The following F13A1 variants were observed in gnomAD, a reference collection of about 807,000 sequenced individuals.
The protein encoded by F13A1 is coagulation factor XIII A chain.
F13A1 carries 47 observed loss-of-function variants against 80.1 expected under a neutral mutation model. The observed-to-expected ratio is 0.59, with a 90% CI of 0.46 to 0.75. The LOEUF (loss-of-function observed/expected upper bound fraction) is 0.75. Among genes scored for constraint, F13A1 ranks in the 30% least tolerant of loss-of-function variants. The pLI is 0.00. For synonymous variants in F13A1, 349 were observed against 344.9 expected (o/e 1.01, Z -0.13); for missense variants, 817 against 930.4 (o/e 0.88, Z 1.59).
intron 3 of F13A1, among the ~76,000 whole-genome samples, chr6:6,278,484 T>A (rs1758018572): frequency 6.6e-6 from 1 of 152,080 alleles, no homozygotes; most frequent in Non-Finnish European, 1.5e-5. Flanking sequence ...AGGAGGCCAA[T>A]GTGCCTGAAG....
chr6:6,309,440 G>C lies in F13A1; in HGVS notation c.131-3901C>G, dbSNP rs115818989. ...AGGAGTCAGTTGTCCATGTGGAAAG[G>C]GGGGTGGAGAGGAATGCTTCAGGCG... On this transcript the variant is annotated intron_variant, in intron 2 of 14. Coordinates refer to ENST00000264870, the MANE Select transcript of F13A1 (RefSeq NM_000129.4). Among the ~76,000 whole-genome samples the C allele has an allele frequency of 3.0e-3, 450 of 152,272 alleles. 3 individuals carry two copies. Among genetic ancestry groups the C allele is most frequent in the Middle Eastern group, 0.01 (3 of 294 alleles).
chr6:6,150,531 G>A (rs919596636), intron 14 of F13A1, among the ~76,000 whole-genome samples: 6 of 152,180 alleles, frequency 3.9e-5, no homozygotes, highest in African/African-American at 7.2e-5. Flanking sequence ...AAAGAAATGC[G>A]GAGAGCCCTT....
At chr6:6,209,093 TAGAG>T (rs1733296316) in intron 8 of F13A1, among the ~76,000 whole-genome samples, 3 of 152,014 alleles carry the variant, frequency 2.0e-5, no homozygotes, top group Admixed American at 1.3e-4. Context: ...ACATATATGA[TAGAG>T]AGCTTATATG....
intron 3 of F13A1, chr6:6,304,973 T>C (rs1455073291): frequency 1.2e-5 from 4 of 346,770 alleles, no homozygotes; most frequent in Non-Finnish European, 2.2e-5. Context: ...GAATCAACTT[T>C]CGGAATGCAT....
At chr6:6,245,013 G>A (rs1757535662) in intron 6 of F13A1, among the ~76,000 whole-genome samples, 1 of 152,134 alleles carries the variant, frequency 6.6e-6, no homozygotes, top group Non-Finnish European at 1.5e-5. Flanking sequence ...TCCTCACTAA[G>A]GGTGATTTTT....
At chr6:6,147,739 C>A (rs768301927) in intron 14 of F13A1, among the ~76,000 whole-genome samples, 1 of 152,162 alleles carries the variant, frequency 6.6e-6, no homozygotes, top group African/African-American at 2.4e-5. Flanking sequence ...ATAAAACCAT[C>A]CGGCATAATG....
chr6:6,173,731 T>C (rs1219615460), intron 12 of F13A1, among the ~76,000 whole-genome samples: 1 of 152,138 alleles, frequency 6.6e-6, no homozygotes, highest in Non-Finnish European at 1.5e-5. Context: ...GTGTATCTTT[T>C]TGAATGGGAA....
intron 5 of F13A1, 45 bp from the exon 6 acceptor site, chr6:6,248,464 C>CA (rs760169003): frequency 3.1e-5 from 46 of 1,460,774 alleles, no homozygotes; most frequent in Non-Finnish European, 4.3e-5. Flanking sequence ...GTTCACTCTG[C>CA]AAGCAAAATA....
rs770644921 is a variant in F13A1 at position 6,243,501 on chromosome 6, C to T, written c.798+4811G>A. On this transcript the variant is annotated intron_variant, in intron 6 of 14. Transcript: ENST00000264870. This position sits in a 1 kb window ranked among gnomAD's most constrained non-coding sequence, Gnocchi z 4.2. ...CCTTTCTTCACTTATTCCCCATTTTCAATAATTTGCCTCATCTGGGCTCCA... is the reference window on the plus strand; with the variant it reads ...CCTTTCTTCACTTATTCCCCATTTTTAATAATTTGCCTCATCTGGGCTCCA... 4.2e-4 allele frequency among the ~76,000 whole-genome samples: 64 copies of T among 152,322 alleles called. 1 individual carries two copies. The highest frequency in any genetic ancestry group is 8.1e-4 in the Non-Finnish European group (55 of 68,028).
chr6:6,285,237 A>G (rs1758120978), intron 3 of F13A1, among the ~76,000 whole-genome samples: 1 of 152,236 alleles, frequency 6.6e-6, no homozygotes, highest in South Asian at 2.1e-4. Context: ...CACCAGAGCG[A>G]GACTCCAACT....
At chr6:6,174,977 A>C (rs957742534) in intron 11 of F13A1, 110 bp from the exon 12 acceptor site, 1 of 1,311,976 alleles carries the variant, frequency 7.6e-7, no homozygotes, top group Admixed American at 1.9e-5. Context: ...CTATAATACA[A>C]GCTTCAGACC....
At chr6:6,149,693 T>C (rs545157269) in intron 14 of F13A1, among the ~76,000 whole-genome samples, 59 of 152,240 alleles carry the variant, frequency 3.9e-4, no homozygotes, top group Non-Finnish European at 7.1e-4. Flanking sequence ...GTGTGAGATA[T>C]AAATGTTTGT....
chr6:6,232,045 A>G (rs1423817976), intron 6 of F13A1, among the ~76,000 whole-genome samples: 1 of 152,156 alleles, frequency 6.6e-6, no homozygotes, highest in Non-Finnish European at 1.5e-5. Flanking sequence ...AAAAACAAAA[A>G]AACCAAAGTA....
At chr6:6,275,429 G>C (rs1407750886) in intron 3 of F13A1, among the ~76,000 whole-genome samples, 1 of 152,104 alleles carries the variant, frequency 6.6e-6, no homozygotes, top group African/African-American at 2.4e-5. Context: ...GAGTGCAGGG[G>C]TGCCATCTCA....
intron 12 of F13A1, among the ~76,000 whole-genome samples, chr6:6,169,655 A>T (rs1325814063): frequency 6.6e-6 from 1 of 152,098 alleles, no homozygotes; most frequent in African/African-American, 2.4e-5. Context: ...GAACTTTTTG[A>T]TTGTCACAAC....
At chr6:6,171,647 T>C (rs1425103854) in intron 12 of F13A1, among the ~76,000 whole-genome samples, 1 of 152,210 alleles carries the variant, frequency 6.6e-6, no homozygotes, top group East Asian at 1.9e-4. Flanking sequence ...AGTGGTCTTT[T>C]CAAAACCTAA....
chr6:6,224,924 T>G, intron 6 of F13A1, 64 bp from the exon 7 acceptor site: 1 of 1,557,652 alleles, frequency 6.4e-7, no homozygotes, highest in Non-Finnish European at 8.8e-7. Context: ...CTCCAGGCTA[T>G]GCATGGCGCA....
intron 10 of F13A1, among the ~76,000 whole-genome samples, chr6:6,184,511 A>G (rs1315531641): frequency 6.6e-6 from 1 of 152,224 alleles, no homozygotes; most frequent in Non-Finnish European, 1.5e-5. Flanking sequence ...GAATCAGGAC[A>G]GGAGAGGACG....
chr6:6,167,735 C>A, intron 12 of F13A1, 117 bp from the exon 13 acceptor site: 1 of 1,153,712 alleles, frequency 8.7e-7, no homozygotes, highest in African/African-American at 1.5e-5. Flanking sequence ...AGGAACACAG[C>A]AAAGGTAAGG....
Sources: allele counts gnomAD v4.1 joint callset (sites outside exome capture counted in the v4.1 genomes callset), GRCh38; gene constraint gnomAD v4.1.1; non-coding constraint Gnocchi (gnomAD v3.1); transcripts MANE v1.5; gene names NCBI Gene and HGNC (gene_info 2026-07-23, HGNC 2026-07-21).